Variants in AFG2A observed in about 807,000 individuals in gnomAD.
AFG2A encodes the protein AAA ATPase AFG2A.
At chr4:123,192,918 A>G in the AFG2A span, among the ~76,000 whole-genome samples, 3 of 152,236 alleles carry the variant, frequency 2.0e-5, no homozygotes, top group Non-Finnish European at 4.4e-5. Context: ...CAAATTATAA[A>G]AGAAAGTTTG....
chr4:122,939,188 C>A, the AFG2A span, among the ~76,000 whole-genome samples: 2 of 143,894 alleles, frequency 1.4e-5, no homozygotes, highest in Non-Finnish European at 3.0e-5. Flanking sequence ...CAGGTTCAAG[C>A]AATTCTCCTG....
At chr4:123,138,782 C>A in the AFG2A span, among the ~76,000 whole-genome samples, 1 of 151,770 alleles carries the variant, frequency 6.6e-6, no homozygotes, top group Non-Finnish European at 1.5e-5. Context: ...AGCCTACAAC[C>A]GACAGACTGG....
At chr4:123,030,711 G>A in the AFG2A span, among the ~76,000 whole-genome samples, 1 of 152,088 alleles carries the variant, frequency 6.6e-6, no homozygotes, top group Non-Finnish European at 1.5e-5. Flanking sequence ...TGAATGATGG[G>A]TTTTTATTTT....
the AFG2A span, among the ~76,000 whole-genome samples, chr4:122,998,773 T>C: frequency 2.7e-4 from 41 of 152,288 alleles, no homozygotes; most frequent in East Asian, 7.7e-4. Flanking sequence ...AATAAACATA[T>C]GTGTGCATGT....
chr4:123,225,612 A>G, the AFG2A span, among the ~76,000 whole-genome samples: 1 of 152,196 alleles, frequency 6.6e-6, no homozygotes, highest in Non-Finnish European at 1.5e-5. Context: ...TGGTTACTGT[A>G]GCCTTGTAGT....
chr4:123,311,820 C>T, the AFG2A span, among the ~76,000 whole-genome samples: 1 of 151,334 alleles, frequency 6.6e-6, no homozygotes, highest in Admixed American at 6.6e-5. Flanking sequence ...CCCTGAGGTT[C>T]CAGTGATTAC....
At chr4:123,049,345 G>C in the AFG2A span, among the ~76,000 whole-genome samples, 1 of 152,004 alleles carries the variant, frequency 6.6e-6, no homozygotes, top group Non-Finnish European at 1.5e-5. Context: ...TGGTTTTGCT[G>C]TCATGGTAAT....
At chr4:123,014,660 T>A in the AFG2A span, among the ~76,000 whole-genome samples, 3 of 152,194 alleles carry the variant, frequency 2.0e-5, no homozygotes, top group Admixed American at 2.0e-4. Context: ...ATTATTGAAA[T>A]CTATACAGTT....
At chr4:123,237,461 C>T in the AFG2A span, among the ~76,000 whole-genome samples, 1 of 151,844 alleles carries the variant, frequency 6.6e-6, no homozygotes, top group African/African-American at 2.4e-5. Flanking sequence ...CCACTTGAGG[C>T]CAGGAGTTCA....
chr4:123,297,185 G>A, the AFG2A span, among the ~76,000 whole-genome samples: 5 of 152,094 alleles, frequency 3.3e-5, no homozygotes, highest in East Asian at 9.7e-4. Flanking sequence ...TTCTTTCTTT[G>A]CCAATAGATT....
chr4:123,141,378 G>A, the AFG2A span, among the ~76,000 whole-genome samples: 40 of 152,254 alleles, frequency 2.6e-4, no homozygotes, highest in African/African-American at 9.4e-4. Flanking sequence ...CAGAAGAATC[G>A]CTTGAACCCA....
the AFG2A span, among the ~76,000 whole-genome samples, chr4:123,262,983 A>G: frequency 3.9e-5 from 6 of 152,296 alleles, no homozygotes; most frequent in East Asian, 9.7e-4. Context: ...GTGGTCTAAA[A>G]TCAGTTAAAG....
At chr4:123,000,355 G>T in the AFG2A span, among the ~76,000 whole-genome samples, 121,829 of 148,852 alleles carry the variant, frequency 0.82, 51,139 homozygotes, top group East Asian at 0.95. Context: ...AATAGGAGTG[G>T]TGAGAGAGGG....
chr4:123,060,934 C>T, the AFG2A span, among the ~76,000 whole-genome samples: 1 of 152,194 alleles, frequency 6.6e-6, no homozygotes, highest in African/African-American at 2.4e-5. Context: ...TAATCTCTCT[C>T]ATGTTCAAAG....
chr4:123,051,082 T>C, the AFG2A span, among the ~76,000 whole-genome samples: 9 of 152,106 alleles, frequency 5.9e-5, no homozygotes, highest in Middle Eastern at 3.2e-3. Flanking sequence ...TTTAGTCTAT[T>C]TACATTCAAT....
chr4:123,173,918 CTTTATA>C, the AFG2A span, among the ~76,000 whole-genome samples: 1 of 151,830 alleles, frequency 6.6e-6, no homozygotes, highest in Non-Finnish European at 1.5e-5. Context: ...TTTAATCAAA[CTTTATA>C]CAAAGCAAGA....
chr4:123,059,945 A>G, the AFG2A span, among the ~76,000 whole-genome samples: 3 of 152,166 alleles, frequency 2.0e-5, no homozygotes, highest in Non-Finnish European at 4.4e-5. Context: ...GGCTGCATAA[A>G]TGTCTTTTTT....
chr4:122,950,791 T>C, the AFG2A span, among the ~76,000 whole-genome samples: 1 of 152,208 alleles, frequency 6.6e-6, no homozygotes, highest in Non-Finnish European at 1.5e-5. Flanking sequence ...GGGGCAAAGA[T>C]CCTATGTAGT....
the AFG2A span, among the ~76,000 whole-genome samples, chr4:123,284,764 A>G: frequency 6.6e-6 from 1 of 152,162 alleles, no homozygotes. Flanking sequence ...AGGAAAATGT[A>G]ATGTAACCCT....
Sources: allele counts gnomAD v4.1 joint callset (sites outside exome capture counted in the v4.1 genomes callset), GRCh38; gene constraint gnomAD v4.1.1; transcripts MANE v1.5; gene names NCBI Gene and HGNC (gene_info 2026-07-23, HGNC 2026-07-21).